Variants in CHCHD4 observed in about 807,000 individuals in gnomAD.
CHCHD4 encodes coiled-coil-helix-coiled-coil-helix domain containing 4.
A neutral mutation model predicts 12.4 loss-of-function variants in CHCHD4; 7 were observed. That is an observed-to-expected ratio of 0.57 (90% confidence interval 0.32 to 1.06). CHCHD4 has a LOEUF of 1.06. CHCHD4 is among the 50% of genes least tolerant of loss of function. CHCHD4 has a pLI of 0.04. For synonymous variants in CHCHD4, 56 were observed against 58.0 expected, an observed-to-expected ratio of 0.97 and a Z score of 0.16; for missense variants, 143 against 175.1, an observed-to-expected ratio of 0.82 and a Z score of 1.03.
Position 14,116,542 on chromosome 3 carries a change from G to C in CHCHD4, c.23-18C>G. On this transcript the variant is annotated intron_variant, in intron 1 of 2. Transcript: ENST00000396914. ...ATCCTTCCCTAGTGTTTGGAGAACA[G>C]AGGAAGAAATATTTCATTCAAGAGC... is the stretch of plus-strand genomic sequence containing the variant. 1 of 1,554,630 alleles carries C rather than the reference G, an allele frequency of 6.4e-7. No homozygotes were observed. The highest frequency in any genetic ancestry group is 8.9e-7 in the Non-Finnish European group (1 of 1,125,130).
At chr3:14,123,798 G>A (rs1037699661) in intron 1 of CHCHD4, among the ~76,000 whole-genome samples, 2 of 152,232 alleles carry the variant, frequency 1.3e-5, no homozygotes, top group African/African-American at 4.8e-5. Context: ...GGGCCAAGGA[G>A]CCAGTTTGTG....
chr3:14,122,896 CCAAGAGG>C (rs1180921254), intron 1 of CHCHD4, among the ~76,000 whole-genome samples: 1 of 152,118 alleles, frequency 6.6e-6, no homozygotes, highest in Non-Finnish European at 1.5e-5. Flanking sequence ...AAGGGAATAG[CCAAGAGG>C]CTAGAGGCTG....
At chr3:14,114,304 A>G (rs1694852655) in intron 2 of CHCHD4, among the ~76,000 whole-genome samples, 1 of 152,198 alleles carries the variant, frequency 6.6e-6, no homozygotes, top group Non-Finnish European at 1.5e-5. Flanking sequence ...GCAGACCCCC[A>G]GGACCATCAG....
In CHCHD4 at chr3:14,113,187, T is replaced by G. The variant is rs1415770851; in HGVS notation, c.129A>C (p.Ile43=). 6.2e-7 allele frequency: 1 copy of G among 1,606,832 alleles called. No homozygotes were observed. The highest frequency in any genetic ancestry group is 1.1e-5 in the South Asian group (1 of 90,118). The change falls in exon 3 of 3, where the codon ATA becomes ATC. Residue 43 remains isoleucine, a synonymous_variant. Transcript: ENST00000396914. ...PNDPYEEHGL[I]LPNGNINWNC... is the part of the protein sequence containing the mutation. ...TCCAGTTAATGTTTCCATTTGGCAGTATCAATCCTAGAACAGGAAGATAGA... is the reference window on the plus strand; with the variant it reads ...TCCAGTTAATGTTTCCATTTGGCAGGATCAATCCTAGAACAGGAAGATAGA...
chr3:14,115,880 C>T (rs1694871316), intron 2 of CHCHD4, among the ~76,000 whole-genome samples: 1 of 152,158 alleles, frequency 6.6e-6, no homozygotes, highest in Admixed American at 6.5e-5. Flanking sequence ...CAGCCCAAAT[C>T]CTTTGGAACA....
Position 14,112,896 on chromosome 3 carries a change from T to A in CHCHD4, c.420A>T (p.Gly140=). 6.2e-7 allele frequency: 1 copy of A among 1,610,932 alleles called. No individual in the cohort carries two copies. The highest frequency in any genetic ancestry group is 2.2e-5 in the East Asian group (1 of 44,812). Residue 140 remains glycine (G), a synonymous_variant, in exon 3 of 3, where the codon GGA becomes GGT. Coordinates refer to ENST00000396914, the MANE Select transcript of CHCHD4 (RefSeq NM_001098502.2). ...IEATATKEEE[G]SS is the part of the protein sequence containing the mutation. Reference sequence around the variant, plus strand: ...TGCCTTGTGGCCTTCATTAACTTGATCCCTCCTCTTCTTTGGTTGCAGTGG... The same window carrying A: ...TGCCTTGTGGCCTTCATTAACTTGAACCCTCCTCTTCTTTGGTTGCAGTGG...
intron 2 of CHCHD4, among the ~76,000 whole-genome samples, chr3:14,113,770 C>A (rs1210062621): frequency 6.6e-6 from 1 of 152,182 alleles, no homozygotes; most frequent in Non-Finnish European, 1.5e-5. Context: ...TGGTGGCATA[C>A]CATTAGTGCG....
At position 14,113,150 on chromosome 3, in the gene CHCHD4, G is replaced by A. The variant is rs1694840020; in HGVS notation, c.166C>T (p.Leu56Phe). Residue 56 changes from leucine to phenylalanine, a missense_variant, in exon 3 of 3, where the codon CTT (leucine) becomes TTT (phenylalanine). Leu to Phe is a conservative substitution (Grantham distance 22, BLOSUM62 0). Transcript: ENST00000396914. ...NGNINWNCPC[L>F]GGMASGPCGE... ...CAGGGACCGCTGGCCATTCCCCCAAGGCATGGGCAGTTCCAGTTAATGTTT... is the reference window on the plus strand; with the variant it reads ...CAGGGACCGCTGGCCATTCCCCCAAAGCATGGGCAGTTCCAGTTAATGTTT... 6.2e-7 allele frequency: 1 copy of A among 1,613,566 alleles called. No individual in the cohort carries two copies. Among genetic ancestry groups the A allele is most frequent in the East Asian group, 2.2e-5 (1 of 44,852 alleles).
rs1694829174 is a variant in CHCHD4, at chr3:14,112,228, G to C, written c.*659C>G. The C allele has an allele frequency of 6.6e-6, 1 of 152,110 alleles. No individual in the cohort carries two copies. The allele number at this position is 152,110 out of a possible 1,614,324, so 9.4% of individuals were successfully genotyped here. A position where few individuals can be genotyped will look rare whatever the true frequency, so the allele number is the denominator to read the frequency against. Reference sequence around the variant, plus strand: ...AGTGTGAACATGGGCCCCAAACCAGGGCTTTCGGAATAACAAGGAACAGCC... The same window carrying C: ...AGTGTGAACATGGGCCCCAAACCAGCGCTTTCGGAATAACAAGGAACAGCC... On this transcript the variant is annotated 3_prime_UTR_variant, in exon 3 of 3. Transcript: ENST00000396914.
intron 2 of CHCHD4, among the ~76,000 whole-genome samples, chr3:14,114,868 A>T (rs1694859856): frequency 1.3e-5 from 2 of 152,170 alleles, no homozygotes; most frequent in South Asian, 4.1e-4. Flanking sequence ...TCAAACATGC[A>T]GTCTAAGGCC....
At chr3:14,117,512 T>C (rs1694888230) in intron 1 of CHCHD4, among the ~76,000 whole-genome samples, 2 of 152,200 alleles carry the variant, frequency 1.3e-5, no homozygotes, top group South Asian at 4.1e-4. Flanking sequence ...CTGCTACACC[T>C]TGTAGCTGTC....
At chr3:14,124,611 C>G (rs1412993260) in intron 1 of CHCHD4, 44 bp downstream of exon 1, 22 of 1,474,042 alleles carry the variant, frequency 1.5e-5, no homozygotes, top group Non-Finnish European at 1.9e-5. Context: ...GTGTCTCCCG[C>G]AGGCCCTCGT....
intron 1 of CHCHD4, among the ~76,000 whole-genome samples, chr3:14,120,252 G>C (rs1022057237): frequency 6.6e-6 from 1 of 152,088 alleles, no homozygotes; most frequent in Non-Finnish European, 1.5e-5. Flanking sequence ...ACTCTCGGTA[G>C]AGCCACCCCA....
At chr3:14,121,978 C>G in intron 1 of CHCHD4, 1 of 1,614,054 alleles carries the variant, frequency 6.2e-7, no homozygotes, top group Non-Finnish European at 8.5e-7. Context: ...ACACAGGCAT[C>G]CAGTGGAGAA....
At chr3:14,120,677 A>G (rs552509457) in intron 1 of CHCHD4, among the ~76,000 whole-genome samples, 105 of 152,294 alleles carry the variant, frequency 6.9e-4, no homozygotes, top group African/African-American at 2.4e-3. Context: ...ATTTTTGTCT[A>G]TTCTGTTCAT....
At chr3:14,115,838 G>A (rs1015468742) in intron 2 of CHCHD4, among the ~76,000 whole-genome samples, 1 of 152,062 alleles carries the variant, frequency 6.6e-6, no homozygotes, top group African/African-American at 2.4e-5. Flanking sequence ...CACCTCACAC[G>A]GTCTGCAGTA....
Position 14,112,561 on chromosome 3 carries a change from A to C in CHCHD4, c.*326T>G, listed in dbSNP as rs1694832612. ...ATAATGAATCAGAATAAATCAGCTCACTCACAAGAAACGTTCTTGGGTAAT... is the reference window on the plus strand; with the variant it reads ...ATAATGAATCAGAATAAATCAGCTCCCTCACAAGAAACGTTCTTGGGTAAT... On this transcript the variant is annotated 3_prime_UTR_variant, in exon 3 of 3. Transcript: ENST00000396914. 4.2e-6 allele frequency: 1 copy of C among 239,516 alleles called. No individual in the cohort carries two copies. Among genetic ancestry groups the C allele is most frequent in the East Asian group, 8.6e-5 (1 of 11,624 alleles). 14.8% of individuals were successfully genotyped at this position (239,516 alleles called of 1,614,324 possible).
intron 1 of CHCHD4, among the ~76,000 whole-genome samples, chr3:14,120,267 G>A (rs553180960): frequency 2.6e-5 from 4 of 152,014 alleles, no homozygotes; most frequent in Non-Finnish European, 5.9e-5. Flanking sequence ...ACCCCAACCC[G>A]TCTTTCTCTC....
intron 1 of CHCHD4, chr3:14,121,958 G>C (rs746935887): frequency 1.2e-6 from 2 of 1,614,088 alleles, no homozygotes; most frequent in Admixed American, 1.7e-5. Context: ...GGTGGTCACA[G>C]ATGAATACGA....
Sources: allele counts gnomAD v4.1 joint callset (sites outside exome capture counted in the v4.1 genomes callset), GRCh38; gene constraint gnomAD v4.1.1; transcripts MANE v1.5; gene names NCBI Gene and HGNC (gene_info 2026-07-23, HGNC 2026-07-21).